The following EML5 variants were observed in gnomAD, a reference collection of about 807,000 sequenced individuals.
The protein encoded by EML5 is echinoderm microtubule-associated protein-like 5.
A neutral mutation model predicts 250.0 loss-of-function variants in EML5; 120 were observed. The observed-to-expected ratio is 0.48, with a 90% CI of 0.41 to 0.56. The LOEUF (loss-of-function observed/expected upper bound fraction) is 0.56. EML5 is among the 20% of genes least tolerant of loss of function. EML5 has a pLI of 0.00. For synonymous variants in EML5, 771 were observed against 806.5 expected, an observed-to-expected ratio of 0.96 and a Z score of 0.75; for missense variants, 2,006 against 2,437.6, an observed-to-expected ratio of 0.82 and a Z score of 3.73.
intron 29 of EML5, among the ~76,000 whole-genome samples, chr14:88,645,384 T>G (rs1360976288): frequency 6.6e-6 from 1 of 152,234 alleles, no homozygotes; most frequent in Non-Finnish European, 1.5e-5. Flanking sequence ...AAGAGTAGAT[T>G]GTTTATAAAC....
At chr14:88,688,183 G>C in intron 18 of EML5, 88 bp downstream of exon 18, 1 of 1,330,772 alleles carries the variant, frequency 7.5e-7, no homozygotes, top group Non-Finnish European at 1.1e-6. Context: ...GTCCAGGCAA[G>C]TAGAAAGGCA....
chr14:88,685,114 T>C lies in EML5; in HGVS notation c.2883A>G (p.Ile961Met). Reference sequence around the variant, plus strand: ...GACCATGTCCTAATGATATGGCACGTATAGATGGATTATCTTCCAAGAGAA... The same window carrying C: ...GACCATGTCCTAATGATATGGCACGCATAGATGGATTATCTTCCAAGAGAA... ...KGLLLEDNPS[I>M]RAISLGHGHI... Residue 961 changes from isoleucine (I) to methionine (M), a missense_variant, in exon 20 of 44, where the codon ATA becomes ATG. Coordinates refer to ENST00000554922, the MANE Select transcript of EML5 (RefSeq NM_183387.3). 3 of 1,601,518 alleles carry C rather than the reference T, an allele frequency of 1.9e-6. No homozygotes were observed. Among genetic ancestry groups the C allele is most frequent in the Non-Finnish European group, 2.6e-6 (3 of 1,174,462 alleles).
At chr14:88,753,121 C>T (rs2094119749) in intron 2 of EML5, among the ~76,000 whole-genome samples, 1 of 152,156 alleles carries the variant, frequency 6.6e-6, no homozygotes, top group Admixed American at 6.5e-5. Flanking sequence ...GTTTGTAACA[C>T]ACACCCTCTG....
chr14:88,620,590 G>T lies in EML5; in HGVS notation c.5375+164C>A. 1 of 540,388 alleles carries T rather than the reference G, an allele frequency of 1.9e-6. No individual in the cohort carries two copies. The highest frequency in any genetic ancestry group is 3.0e-6 in the Non-Finnish European group (1 of 332,654). The allele number at this position is 540,388 out of a possible 1,614,324, so 33.5% of individuals were successfully genotyped here. A position where few individuals can be genotyped will look rare whatever the true frequency, so the allele number is the denominator to read the frequency against. ...CAGTGGGTTTATAATTTAGCAAGAA[G>T]AATTAAGTAGTATACAAACAGCCAT... On this transcript the variant is annotated intron_variant, in intron 39 of 43. Transcript: ENST00000554922. This position sits in a 1 kb window ranked among gnomAD's most constrained non-coding sequence, Gnocchi z 4.3.
chr14:88,699,811 T>C (rs1021543339), intron 14 of EML5, among the ~76,000 whole-genome samples: 1 of 152,124 alleles, frequency 6.6e-6, no homozygotes, highest in African/African-American at 2.4e-5. Context: ...GTTAATACAC[T>C]GCTATGTTCT....
At chr14:88,782,255 T>C (rs1373664059) in intron 1 of EML5, among the ~76,000 whole-genome samples, 2 of 152,210 alleles carry the variant, frequency 1.3e-5, no homozygotes, top group Non-Finnish European at 2.9e-5. Context: ...CCTAGAGATC[T>C]GTGGAACTTT....
intron 21 of EML5, among the ~76,000 whole-genome samples, chr14:88,680,770 G>A (rs186859869): frequency 1.3e-3 from 199 of 151,948 alleles, no homozygotes; most frequent in Admixed American, 3.2e-3. Flanking sequence ...AAAAGTCCTC[G>A]ATCCAGACAT....
chr14:88,663,187 A>T (rs1272124301), intron 23 of EML5, 68 bp from the exon 24 acceptor site: 2 of 1,069,242 alleles, frequency 1.9e-6, no homozygotes, highest in African/African-American at 1.7e-5. Context: ...CATCAGTATG[A>T]TGTTTAAGTT....
chr14:88,626,161 AC>A (rs2089910768), intron 35 of EML5: 1 of 152,266 alleles, frequency 6.6e-6, no homozygotes, highest in African/African-American at 2.4e-5. Context: ...AAACCCTAGT[AC>A]CACCTTAAAT....
chr14:88,656,306 T>C (rs1303103352), intron 27 of EML5, among the ~76,000 whole-genome samples: 1 of 152,216 alleles, frequency 6.6e-6, no homozygotes, highest in Non-Finnish European at 1.5e-5. Context: ...GATGAGTTCA[T>C]GTCCTTTGCA....
At chr14:88,734,271 T>G (rs1282465052) in intron 7 of EML5, among the ~76,000 whole-genome samples, 1 of 152,160 alleles carries the variant, frequency 6.6e-6, no homozygotes, top group Non-Finnish European at 1.5e-5. Context: ...AAATAATTGA[T>G]GAGAAGAAAT....
In EML5 at chr14:88,704,938, T is replaced by C; in HGVS notation, c.1973A>G (p.Lys658Arg). 6.2e-7 allele frequency: 1 copy of C among 1,613,128 alleles called. No homozygotes were observed. The highest frequency in any genetic ancestry group is 8.5e-7 in the Non-Finnish European group (1 of 1,179,466). ...AGAAGTAGCACTTTTTTGTTTCTCT[T>C]TGCACTGTTCTTTAAGCTGAGGTAG... ...EDLPQLKEQC[K>R]EKQKSATSKR... is the part of the protein sequence containing the mutation. The change falls in exon 13 of 44, where the codon AAA (lysine) becomes AGA (arginine). Residue 658 changes from lysine (K) to arginine (R), a missense_variant. Transcript: ENST00000554922.
At chr14:88,766,925 G>C (rs1203078535) in intron 1 of EML5, among the ~76,000 whole-genome samples, 1 of 152,146 alleles carries the variant, frequency 6.6e-6, no homozygotes, top group Non-Finnish European at 1.5e-5. Flanking sequence ...TCCCCCGATA[G>C]CACACAGTTA....
chr14:88,636,179 C>T (rs529984949), intron 32 of EML5, among the ~76,000 whole-genome samples: 69 of 152,234 alleles, frequency 4.5e-4, no homozygotes, highest in South Asian at 2.3e-3. Context: ...GGAGGACAGA[C>T]GCAGAGAAAA....
intron 1 of EML5, among the ~76,000 whole-genome samples, chr14:88,775,565 T>C (rs1167287848): frequency 6.6e-6 from 1 of 152,174 alleles, no homozygotes; most frequent in African/African-American, 2.4e-5. Flanking sequence ...GGACTGCGCC[T>C]TGTGGTTTGA....
chr14:88,677,230 T>C (rs2092615316), intron 21 of EML5, among the ~76,000 whole-genome samples: 1 of 152,140 alleles, frequency 6.6e-6, no homozygotes, highest in Admixed American at 6.6e-5. Context: ...TAAATGATGC[T>C]GGGAAAACTG....
At chr14:88,646,496 T>C (rs1376046346) in intron 29 of EML5, among the ~76,000 whole-genome samples, 2 of 152,194 alleles carry the variant, frequency 1.3e-5, no homozygotes, top group South Asian at 2.1e-4. Flanking sequence ...GCCTTGCTTT[T>C]TTCCCCAAGT....
At chr14:88,762,204 G>A (rs927099631) in intron 1 of EML5, among the ~76,000 whole-genome samples, 3 of 152,052 alleles carry the variant, frequency 2.0e-5, no homozygotes, top group Non-Finnish European at 4.4e-5. Context: ...CATAAAGCAA[G>A]TTCTAAGAAA....
intron 1 of EML5, among the ~76,000 whole-genome samples, chr14:88,778,918 A>G (rs1226151009): frequency 6.6e-6 from 1 of 152,238 alleles, no homozygotes; most frequent in East Asian, 1.9e-4. Flanking sequence ...GTTGGTTGGA[A>G]CAATGTTATT....
Sources: gnomAD v4.1 joint callset for allele counts (sites outside exome capture counted in the v4.1 genomes callset) on GRCh38, gnomAD v4.1.1 for gene constraint, Gnocchi (gnomAD v3.1) non-coding constraint, MANE v1.5 for transcripts, NCBI Gene and HGNC (gene_info 2026-07-23, HGNC 2026-07-21) for gene names.